The following CUL5 variants were observed in gnomAD, a reference collection of about 807,000 sequenced individuals.
CUL5 encodes the protein cullin-5.
A neutral mutation model predicts 108.8 loss-of-function variants in CUL5; 26 were observed. The ratio of observed to expected loss-of-function variants is 0.24; its 90% CI spans 0.18 to 0.33. CUL5 has a LOEUF of 0.33. Among genes scored for constraint, CUL5 ranks in the 10% least tolerant of loss-of-function variants. CUL5 has a pLI of 1.00. For synonymous variants in CUL5, 334 were observed against 298.0 expected (o/e 1.12, Z -1.25); for missense variants, 524 against 909.2 (o/e 0.58, Z 5.45).
chr11:108,104,062 A>T (rs1470753053), intron 18 of CUL5, 128 bp from the exon 19 acceptor site: 1 of 592,998 alleles, frequency 1.7e-6, no homozygotes, highest in African/African-American at 1.9e-5. Flanking sequence ...TTAATCCCCT[A>T]GTGATTATTA....
chr11:108,020,063 A>G (rs766439384), intron 1 of CUL5, among the ~76,000 whole-genome samples: 1 of 152,118 alleles, frequency 6.6e-6, no homozygotes, highest in Non-Finnish European at 1.5e-5. Flanking sequence ...TCATCTGTAC[A>G]TGAGGGATCC....
At chr11:108,045,101 C>G (rs924245254) in intron 2 of CUL5, among the ~76,000 whole-genome samples, 1 of 152,120 alleles carries the variant, frequency 6.6e-6, no homozygotes, top group Non-Finnish European at 1.5e-5. Flanking sequence ...TCTGAACATG[C>G]TGTACTAGTA....
intron 7 of CUL5, among the ~76,000 whole-genome samples, chr11:108,055,638 C>CTT (rs1217399914): frequency 6.9e-6 from 1 of 145,280 alleles, no homozygotes; most frequent in African/African-American, 2.5e-5. Flanking sequence ...TATACTTTAT[C>CTT]TTTTTTTTTT....
intron 2 of CUL5, among the ~76,000 whole-genome samples, chr11:108,036,274 A>C (rs1388357515): frequency 6.6e-6 from 1 of 152,196 alleles, no homozygotes; most frequent in Non-Finnish European, 1.5e-5. Flanking sequence ...TTCTGCTCCC[A>C]ATACTCAGAG....
intron 9 of CUL5, among the ~76,000 whole-genome samples, chr11:108,073,150 C>G (rs973860333): frequency 2.0e-5 from 3 of 149,722 alleles, no homozygotes; most frequent in Non-Finnish European, 3.0e-5. Context: ...TGCAGTGAGC[C>G]GAGAAGGTGC....
intron 1 of CUL5, among the ~76,000 whole-genome samples, chr11:108,029,697 C>T (rs1862530772): frequency 6.6e-6 from 1 of 152,110 alleles, no homozygotes; most frequent in Non-Finnish European, 1.5e-5. Context: ...TAATAGAAAA[C>T]AATTAATTAT....
chr11:108,063,656 T>TAAAAA (rs145598997), intron 7 of CUL5, among the ~76,000 whole-genome samples: 2 of 139,746 alleles, frequency 1.4e-5, no homozygotes, highest in African/African-American at 5.2e-5. Context: ...TAATAAAATT[T>TAAAAA]AAAAAAAATA....
chr11:108,069,690 T>C (rs547053167), intron 7 of CUL5, among the ~76,000 whole-genome samples: 1 of 152,216 alleles, frequency 6.6e-6, no homozygotes, highest in African/African-American at 2.4e-5. Context: ...TCTTGTCTCT[T>C]AAATACTTCC....
rs200152671 is a variant in CUL5, at chr11:108,095,519, A to C, written c.1744-11A>C. 741 of 1,533,426 alleles carry C rather than the reference A, an allele frequency of 4.8e-4. No individual in the cohort carries two copies. Among genetic ancestry groups the C allele is most frequent in the Non-Finnish European group, 6.1e-4 (684 of 1,120,274 alleles). The allele number at this position is 1,533,426 out of a possible 1,614,324, so 95.0% of individuals were successfully genotyped here. A position where few individuals can be genotyped will look rare whatever the true frequency, so the allele number is the denominator to read the frequency against. On this transcript the variant is annotated splice_polypyrimidine_tract_variant and intron_variant, in intron 15 of 18. Transcript: ENST00000393094. ...AGATTCTTTATTAAAAATCTGTTTT[A>C]TCTATTATAGATAACATTTAAGAAT...
intron 11 of CUL5, among the ~76,000 whole-genome samples, chr11:108,080,127 TCCGG>T (rs1565262244): frequency 5.6e-5 from 8 of 143,244 alleles, no homozygotes; most frequent in African/African-American, 7.8e-5. Context: ...TTTTTTTTTT[TCCGG>T]TATTCGTATA....
At chr11:108,048,092 T>C (rs547436206) in intron 3 of CUL5, among the ~76,000 whole-genome samples, 1 of 152,076 alleles carries the variant, frequency 6.6e-6, no homozygotes, top group Non-Finnish European at 1.5e-5. Flanking sequence ...AGACCCATCT[T>C]AAAAAGATTT....
At chr11:108,034,006 T>C (rs1862661112) in intron 2 of CUL5, 95 bp downstream of exon 2, 1 of 755,848 alleles carries the variant, frequency 1.3e-6, no homozygotes, top group Non-Finnish European at 2.3e-6. Context: ...AGTTTATCTG[T>C]TTACCTATTA....
chr11:108,068,551 G>A (rs1003734230), intron 7 of CUL5, among the ~76,000 whole-genome samples: 6 of 152,034 alleles, frequency 3.9e-5, no homozygotes, highest in Admixed American at 2.0e-4. Context: ...AGCTTTAGTA[G>A]TTACCAACAT....
Position 108,073,415 on chromosome 11 carries a change from T to C in CUL5, c.1031T>C (p.Leu344Ser). ...TTDSEKYVEQ[L>S]LTLFNRFSKL... The stretch of plus-strand genomic sequence containing the variant: ...GACTCTGAGAAATACGTTGAGCAGT[T>C]ACTTACACTATTTAATAGATTTAGT... Residue 344 changes from leucine (L) to serine (S), a missense_variant, in exon 10 of 19, where the codon TTA becomes TCA. Physicochemically the swap from Leu to Ser is moderately radical, Grantham distance 145. Coordinates refer to ENST00000393094, the MANE Select transcript of CUL5 (RefSeq NM_003478.6). The C allele has an allele frequency of 6.3e-7, 1 of 1,578,912 alleles. No homozygotes were observed. The highest frequency in any genetic ancestry group is 8.6e-7 in the Non-Finnish European group (1 of 1,159,206).
intron 1 of CUL5, among the ~76,000 whole-genome samples, chr11:108,022,508 G>T (rs1421268033): frequency 3.3e-5 from 5 of 152,004 alleles, no homozygotes; most frequent in Non-Finnish European, 7.4e-5. Flanking sequence ...TTTCAGTGGG[G>T]GATATGCATT....
intron 7 of CUL5, among the ~76,000 whole-genome samples, chr11:108,059,714 TA>T (rs905257024): frequency 7.5e-5 from 11 of 147,640 alleles, no homozygotes; most frequent in African/African-American, 7.5e-5. Flanking sequence ...CTGTCTCTAC[TA>T]AAAAAAAAAT....
At chr11:108,059,462 T>C (rs556927138) in intron 7 of CUL5, among the ~76,000 whole-genome samples, 44 of 152,190 alleles carry the variant, frequency 2.9e-4, no homozygotes, top group Non-Finnish European at 5.4e-4. Context: ...GGGAGTGTAT[T>C]ACAGTGGTTA....
At chr11:108,089,348 C>CA in intron 12 of CUL5, 144 bp from the exon 13 acceptor site, 1 of 486,562 alleles carries the variant, frequency 2.1e-6, no homozygotes. Context: ...GGGTATTTCT[C>CA]AGAGATGGAT....
At chr11:108,093,879 T>G (rs1430660144) in intron 13 of CUL5, among the ~76,000 whole-genome samples, 1 of 152,148 alleles carries the variant, frequency 6.6e-6, no homozygotes, top group African/African-American at 2.4e-5. Context: ...TTTAAAATTT[T>G]TTTGTAGTGA....
Sources: gnomAD v4.1 joint callset for allele counts (sites outside exome capture counted in the v4.1 genomes callset) on GRCh38, gnomAD v4.1.1 for gene constraint, MANE v1.5 for transcripts, NCBI Gene and HGNC (gene_info 2026-07-23, HGNC 2026-07-21) for gene names.